Variants in PLXNA1 observed in about 807,000 individuals in gnomAD.
PLXNA1 encodes the protein plexin-A1.
Under a neutral mutation model 191.7 loss-of-function variants are expected in PLXNA1, and 77 were observed. That is an observed-to-expected ratio of 0.40 (90% CI 0.33 to 0.49). The LOEUF (loss-of-function observed/expected upper bound fraction) is 0.49. PLXNA1 is among the 20% of genes least tolerant of loss of function. PLXNA1 has a pLI of 0.63. For missense variants in PLXNA1, 2,110 were observed against 2,660.2 expected (o/e 0.79, Z 4.55); for synonymous variants, 1,137 against 1,156.4 (o/e 0.98, Z 0.34).
In PLXNA1 at chr3:126,988,624, C is replaced by G. The variant is rs759565246; in HGVS notation, c.31C>G (p.Leu11Val). ...GCTGCCACCGCGGAGCCTGCAGGTG[C>G]TCCTGCTGCTGCTGCTGTTGCTGCT... MPLPPRSLQV[L>V]LLLLLLLLLL... Residue 11 changes from leucine to valine, a missense_variant, in exon 2 of 32, where the codon CTC becomes GTC. Physicochemically the swap from Leu to Val is conservative, Grantham distance 32 (BLOSUM62 1). Coordinates refer to ENST00000393409, the MANE Select transcript of PLXNA1 (RefSeq NM_032242.4). 6.4e-7 allele frequency: 1 copy of G among 1,569,176 alleles called. No homozygotes were observed. Among genetic ancestry groups the G allele is most frequent in the South Asian group, 1.2e-5 (1 of 83,016 alleles).
chr3:127,004,728 G>T lies in PLXNA1; in HGVS notation c.1619+17G>T. The T allele has an allele frequency of 1.3e-6, 2 of 1,583,548 alleles. No individual in the cohort carries two copies. Among genetic ancestry groups the T allele is most frequent in the South Asian group, 2.3e-5 (2 of 87,886 alleles). On this transcript the variant is annotated intron_variant, in intron 5 of 31. Coordinates refer to ENST00000393409, the MANE Select transcript of PLXNA1 (RefSeq NM_032242.4). ...GCACAGCATGTGAGTCTGGGCAGGTGGGCAGGGGCAGGCGGGGAGGGCCAT... is the reference window on the plus strand; with the variant it reads ...GCACAGCATGTGAGTCTGGGCAGGTTGGCAGGGGCAGGCGGGGAGGGCCAT...
chr3:127,033,288 A>G (rs1487338985), intron 31 of PLXNA1, among the ~76,000 whole-genome samples: 1 of 152,210 alleles, frequency 6.6e-6, no homozygotes, highest in Non-Finnish European at 1.5e-5. Context: ...GTATCCAGGA[A>G]GGAGAACTGG....
At chr3:127,005,318 C>A in intron 7 of PLXNA1, 75 bp downstream of exon 7, 2 of 1,496,992 alleles carry the variant, frequency 1.3e-6, no homozygotes, top group Non-Finnish European at 1.8e-6. Flanking sequence ...GCCTGTTTAG[C>A]GCCTCCCTTG....
rs757448553 is a variant in PLXNA1 at position 127,004,897 on chromosome 3, G to A, written c.1632G>A (p.Arg544=). 1.4e-5 allele frequency: 23 copies of A among 1,600,012 alleles called. No individual in the cohort carries two copies. In the East Asian group the frequency reaches 4.5e-4, roughly 31 times the overall value. ...WCVLHSICSR[R]DACERADEPQ... ...CCTCTGCCTGCAGCTGCTCGCGGCG[G>A]GACGCCTGTGAGCGAGCAGACGAGC... Residue 544 remains arginine (R), a synonymous_variant, in exon 6 of 32, where the codon CGG becomes CGA. Transcript: ENST00000393409.
At chr3:126,997,593 C>T (rs567136362) in intron 3 of PLXNA1, among the ~76,000 whole-genome samples, 3 of 152,232 alleles carry the variant, frequency 2.0e-5, no homozygotes, top group East Asian at 3.8e-4. Context: ...GGTAACCTGC[C>T]GACATCTGTG....
At position 127,004,948 on chromosome 3, in the gene PLXNA1, G is replaced by A. The variant is rs901934246; in HGVS notation, c.1683G>A (p.Leu561=). The stretch of plus-strand genomic sequence containing the variant: ...CCCAGCGCTTTGCTGCGGACCTGCT[G>A]CAGTGTGTGCAGCTGACTGTGCAGC... ...DEPQRFAADL[L]QCVQLTVQPR... is the part of the protein sequence containing the mutation. The change falls in exon 6 of 32, where the codon CTG becomes CTA. Residue 561 remains leucine, a synonymous_variant. Coordinates refer to ENST00000393409, the MANE Select transcript of PLXNA1 (RefSeq NM_032242.4). 6.2e-7 allele frequency: 1 copy of A among 1,610,230 alleles called. No homozygotes were observed. Among genetic ancestry groups the A allele is most frequent in the Non-Finnish European group, 8.5e-7 (1 of 1,177,958 alleles).
At chr3:127,009,018 G>A (rs1250204769) in intron 9 of PLXNA1, among the ~76,000 whole-genome samples, 1 of 152,302 alleles carries the variant, frequency 6.6e-6, no homozygotes, top group South Asian at 2.1e-4. Context: ...CCAGGCCAAG[G>A]TGTCCTGGGT....
rs751811810 is a variant in PLXNA1, at chr3:127,032,603, G to A, written c.5444+4G>A. The stretch of plus-strand genomic sequence containing the variant: ...ACTACAAGAGCTGGGTGGAGAGGTA[G>A]GTGGAGGGTGCAGGGGTCGGGGGCA... On this transcript the variant is annotated splice_donor_region_variant and intron_variant, in intron 30 of 31. Coordinates refer to ENST00000393409, the MANE Select transcript of PLXNA1 (RefSeq NM_032242.4). 6.2e-7 allele frequency: 1 copy of A among 1,613,244 alleles called. No homozygotes were observed. The highest frequency in any genetic ancestry group is 2.2e-5 in the East Asian group (1 of 44,878).
chr3:127,011,915 TG>T, intron 9 of PLXNA1, 42 bp from the exon 10 acceptor site: 1 of 1,578,420 alleles, frequency 6.3e-7, no homozygotes, highest in Non-Finnish European at 8.7e-7. Flanking sequence ...CCTTGCTCAC[TG>T]GTCTCCGCCC....
Position 127,005,163 on chromosome 3 carries a change from C to T in PLXNA1, c.1817C>T (p.Ser606Phe). The stretch of plus-strand genomic sequence containing the variant: ...TGCTCCTTCGAGGACTTCACGGAAT[C>T]TGAGAGCGTCCTGGAGGATGGCCGG... ...VNCSFEDFTE[S>F]ESVLEDGRIH... is the part of the protein sequence containing the mutation. Residue 606 changes from serine to phenylalanine, a missense_variant, in exon 7 of 32, where the codon TCT becomes TTT. Ser to Phe is a radical substitution (Grantham distance 155). This residue lies in a region of PLXNA1 where 903 missense variants were observed against 1,015.7 expected (regional missense o/e 0.89). Coordinates refer to ENST00000393409, the MANE Select transcript of PLXNA1 (RefSeq NM_032242.4). The T allele has an allele frequency of 3.7e-6, 6 of 1,612,660 alleles. No homozygotes were observed. The highest frequency in any genetic ancestry group is 5.1e-6 in the Non-Finnish European group (6 of 1,179,920).
chr3:127,016,910 A>G (rs774418332), intron 16 of PLXNA1, 34 bp from the exon 17 acceptor site: 2 of 1,570,252 alleles, frequency 1.3e-6, no homozygotes, highest in Non-Finnish European at 1.7e-6. Context: ...CCCCAGCATC[A>G]TTTGGTGACC....
intron 3 of PLXNA1, among the ~76,000 whole-genome samples, chr3:127,002,598 C>A (rs762380403): frequency 6.6e-6 from 1 of 152,218 alleles, no homozygotes; most frequent in Non-Finnish European, 1.5e-5. Context: ...GGCCACAGCC[C>A]GCAGCCTGAG....
chr3:126,993,018 G>A (rs1008995617), intron 3 of PLXNA1, among the ~76,000 whole-genome samples: 1 of 152,146 alleles, frequency 6.6e-6, no homozygotes, highest in Non-Finnish European at 1.5e-5. Flanking sequence ...CCCAGAGCCT[G>A]TTACCCAGCC....
At chr3:126,994,834 G>C (rs1213299650) in intron 3 of PLXNA1, among the ~76,000 whole-genome samples, 2 of 152,112 alleles carry the variant, frequency 1.3e-5, no homozygotes, top group Non-Finnish European at 2.9e-5. Context: ...GGCCTTGGGA[G>C]AGGCCGGGCC....
At chr3:127,016,716 C>T (rs1290103058) in intron 16 of PLXNA1, 32 bp downstream of exon 16, 6 of 1,612,074 alleles carry the variant, frequency 3.7e-6, no homozygotes, top group Non-Finnish European at 5.1e-6. Context: ...TCCCTATCCC[C>T]AGCTATTGAG....
At chr3:127,013,753 G>A (rs986829209) in intron 10 of PLXNA1, among the ~76,000 whole-genome samples, 1 of 152,228 alleles carries the variant, frequency 6.6e-6, no homozygotes, top group Non-Finnish European at 1.5e-5. Context: ...GCCTGTGGTT[G>A]GAGGTGGTCT....
At chr3:127,000,261 CTGTGG>C in intron 3 of PLXNA1, among the ~76,000 whole-genome samples, 1 of 152,148 alleles carries the variant, frequency 6.6e-6, no homozygotes, top group African/African-American at 2.4e-5. Context: ...CAGGGCATGC[CTGTGG>C]CCCGTTCCCA....
Position 126,989,676 on chromosome 3 carries a change from G to T in PLXNA1, c.1083G>T (p.Thr361=). 6.2e-7 allele frequency: 1 copy of T among 1,613,110 alleles called. No homozygotes were observed. The highest frequency in any genetic ancestry group is 1.1e-5 in the South Asian group (1 of 91,086). Residue 361 remains threonine (T), a synonymous_variant, in exon 2 of 32, where the codon ACG becomes ACT. Transcript: ENST00000393409. The part of the protein sequence containing the change: ...PPKESALCLF[T]LRAIKEKIKE... ...AGGAGTCAGCACTGTGCCTGTTCACGCTCAGGGCCATCAAGGAGAAGATTA... is the reference window on the plus strand; with the variant it reads ...AGGAGTCAGCACTGTGCCTGTTCACTCTCAGGGCCATCAAGGAGAAGATTA...
In PLXNA1 at chr3:127,037,082, G is replaced by A. The variant is rs2079247928; in HGVS notation, c.*3065G>A. On this transcript the variant is annotated 3_prime_UTR_variant, in exon 32 of 32. Coordinates refer to ENST00000393409, the MANE Select transcript of PLXNA1 (RefSeq NM_032242.4). ...TCCGCCCTGGCTTTCTCCCTGTCTG[G>A]ATTCAGTGGCTCACGTTGGTGCTAC... The A allele has an allele frequency of 1.3e-5, 2 of 152,648 alleles. No homozygotes were observed. Among genetic ancestry groups the A allele is most frequent in the South Asian group, 4.1e-4 (2 of 4,830 alleles). The allele number at this position is 152,648 out of a possible 1,614,324, so 9.5% of individuals were successfully genotyped here.
Sources: allele counts gnomAD v4.1 joint callset (sites outside exome capture counted in the v4.1 genomes callset), GRCh38; gene constraint gnomAD v4.1.1; regional missense constraint gnomAD v4.1.1; transcripts MANE v1.5; gene names NCBI Gene and HGNC (gene_info 2026-07-23, HGNC 2026-07-21).